AXL: variants seen among roughly 807,000 people sequenced by gnomAD.
AXL encodes tyrosine-protein kinase receptor UFO.
AXL carries 52 observed loss-of-function variants against 104.5 expected under a neutral mutation model. That is an observed-to-expected ratio of 0.50 (90% confidence interval 0.40 to 0.63). The LOEUF (loss-of-function observed/expected upper bound fraction) is 0.63, where lower values mean the gene tolerates loss of function less well. AXL is among the 20% of genes least tolerant of loss of function. The probability of loss-of-function intolerance (pLI) is 0.00; values close to 1 mark genes in which losing one functional copy is unlikely to be tolerated. For missense variants in AXL, 1,024 were observed against 1,188.5 expected (o/e 0.86, Z 2.04); for synonymous variants, 455 against 473.7 (o/e 0.96, Z 0.51).
chr19:41,243,885 G>A, intron 12 of AXL, 178 bp downstream of exon 12: 1 of 595,184 alleles, frequency 1.7e-6, no homozygotes. Context: ...AACTTTCAAG[G>A]AATAGAATCT....
At chr19:41,220,481 C>T (rs1568406942) in intron 1 of AXL, 155 bp from the exon 2 acceptor site, 5 of 640,656 alleles carry the variant, frequency 7.8e-6, no homozygotes, top group East Asian at 5.5e-5. Flanking sequence ...TCAGAGCCTC[C>T]GCCCTCCACC....
intron 15 of AXL, 42 bp from the exon 16 acceptor site, chr19:41,252,804 C>T (rs780651239): frequency 5.6e-6 from 9 of 1,611,244 alleles, no homozygotes; most frequent in African/African-American, 1.3e-5. Flanking sequence ...TTGGCTTCCC[C>T]TTCTGCCCAG....
At chr19:41,250,955 T>G (rs772720267) in intron 14 of AXL, among the ~76,000 whole-genome samples, 4 of 152,118 alleles carry the variant, frequency 2.6e-5, no homozygotes, top group Admixed American at 6.5e-5. Flanking sequence ...CCTGAACTGT[T>G]AAATGGGATG....
At chr19:41,258,218 A>T (rs149176768) in intron 19 of AXL, among the ~76,000 whole-genome samples, 2 of 152,140 alleles carry the variant, frequency 1.3e-5, no homozygotes, top group Admixed American at 6.6e-5. Flanking sequence ...GGGGCGTCAG[A>T]CTCCTCAGTC....
At chr19:41,250,835 C>A (rs1159039710) in intron 14 of AXL, among the ~76,000 whole-genome samples, 1 of 152,146 alleles carries the variant, frequency 6.6e-6, no homozygotes, top group African/African-American at 2.4e-5. Flanking sequence ...ACCTCTGAGG[C>A]TCAAGCGATC....
chr19:41,230,875 C>A, intron 4 of AXL, 92 bp from the exon 5 acceptor site: 1 of 1,353,560 alleles, frequency 7.4e-7, no homozygotes, highest in African/African-American at 1.4e-5. Flanking sequence ...TGCCCCTGGT[C>A]AGGCAGGCCA....
Position 41,221,216 on chromosome 19 carries a change from G to T in AXL, c.379G>T (p.Val127Leu). Reference protein sequence around the residue: ...CLVFLGHQTFVSQPGYVGLEG... With the variant: ...CLVFLGHQTFLSQPGYVGLEG... ...GGTGTTTCTGGGACATCAGACCTTC[G>T]TGTCCCAGCCTGGCTATGTTGGGCT... Residue 127 changes from valine (V) to leucine (L), a missense_variant, in exon 3 of 20, where the codon GTG (valine) becomes TTG (leucine). Around this residue, in one of 5 missense-constraint regions of AXL, gnomAD observed 41 missense variants for 76.2 expected, o/e 0.54. Coordinates refer to ENST00000301178, the MANE Select transcript of AXL (RefSeq NM_021913.5). 6.2e-7 allele frequency: 1 copy of T among 1,613,978 alleles called. No individual in the cohort carries two copies. The highest frequency in any genetic ancestry group is 8.5e-7 in the Non-Finnish European group (1 of 1,179,990).
chr19:41,259,975 C>A lies in AXL; in HGVS notation c.*71C>A, dbSNP rs142554741. 7.8e-5 allele frequency: 105 copies of A among 1,351,538 alleles called. 1 individual carries two copies. The African/African-American group carries it at 1.4e-3, about 18-fold the overall frequency. The allele number at this position is 1,351,538 out of a possible 1,614,324, so 83.7% of individuals were successfully genotyped here. ...CTGCCACTGGGGAAAACTCCACCTT[C>A]CCACTTTCCCACCCCACGCCTTATC... On this transcript the variant is annotated 3_prime_UTR_variant, in exon 20 of 20. Coordinates refer to ENST00000301178, the MANE Select transcript of AXL (RefSeq NM_021913.5).
rs1176757863 is a variant in AXL, at chr19:41,239,308, C to A, written c.1279C>A (p.Arg427Ser). The A allele has an allele frequency of 2.5e-6, 4 of 1,574,548 alleles. No individual in the cohort carries two copies. The highest frequency in any genetic ancestry group is 2.4e-5 in the South Asian group (2 of 83,850). Residue 427 changes from arginine (R) to serine (S), a missense_variant, in exon 9 of 20, where the codon CGC becomes AGC. Transcript: ENST00000301178. ...WSLPVPLEAWRPGQAQPVHQL... is the reference protein window; with the variant it reads ...WSLPVPLEAWSPGQAQPVHQL... ...CCTCCCAGTACCCCTGGAGGCCTGG[C>A]GCCCAGGTAAGTCCAAAGCCATGCC...
intron 1 of AXL, among the ~76,000 whole-genome samples, 184 bp downstream of exon 1, chr19:41,219,661 G>C (rs1330860605): frequency 6.6e-6 from 1 of 151,322 alleles, no homozygotes; most frequent in Non-Finnish European, 1.5e-5. Context: ...GGCAGAGGGA[G>C]AGAAAGACTG....
chr19:41,233,966 AAG>A (rs2034037887), intron 6 of AXL, among the ~76,000 whole-genome samples: 1 of 152,040 alleles, frequency 6.6e-6, no homozygotes, highest in African/African-American at 2.4e-5. Context: ...TCCCAGGGAA[AAG>A]AGAAGTGGGA....
chr19:41,242,752 A>G (rs910936902), intron 10 of AXL, 131 bp from the exon 11 acceptor site: 8 of 1,194,566 alleles, frequency 6.7e-6, no homozygotes, highest in Non-Finnish European at 9.6e-6. Flanking sequence ...GAATGCATCC[A>G]TCACACACCT....
At chr19:41,237,445 C>T (rs1187191542) in intron 6 of AXL, among the ~76,000 whole-genome samples, 3 of 152,098 alleles carry the variant, frequency 2.0e-5, no homozygotes, top group Non-Finnish European at 2.9e-5. Context: ...GGTTTCACCA[C>T]GTTGGCCAGG....
chr19:41,252,465 G>A (rs1323742392), intron 15 of AXL, 22 bp downstream of exon 15: 7 of 1,612,050 alleles, frequency 4.3e-6, no homozygotes, highest in Admixed American at 3.3e-5. Flanking sequence ...GCAGATTCAA[G>A]GGGTCTACAA....
At chr19:41,223,877 T>A (rs1333478353) in intron 4 of AXL, among the ~76,000 whole-genome samples, 1 of 151,994 alleles carries the variant, frequency 6.6e-6, no homozygotes, top group Non-Finnish European at 1.5e-5. Flanking sequence ...TATCTGTGTG[T>A]TCTGGATCTG....
At chr19:41,245,076 A>C (rs902723185) in intron 12 of AXL, among the ~76,000 whole-genome samples, 1 of 151,786 alleles carries the variant, frequency 6.6e-6, no homozygotes, top group Non-Finnish European at 1.5e-5. Flanking sequence ...GACTACAGGC[A>C]CATGCCACAA....
intron 16 of AXL, among the ~76,000 whole-genome samples, chr19:41,253,171 T>C (rs917998957): frequency 2.0e-5 from 3 of 151,854 alleles, no homozygotes; most frequent in Admixed American, 2.0e-4. Context: ...AGGAAGGAAA[T>C]ACAGTAGGAT....
chr19:41,222,920 A>G (rs2033819030), intron 4 of AXL, among the ~76,000 whole-genome samples: 2 of 150,554 alleles, frequency 1.3e-5, no homozygotes. Context: ...GAAAAAAAAA[A>G]AAAAAGAAAG....
intron 19 of AXL, among the ~76,000 whole-genome samples, chr19:41,257,894 G>A (rs1373861291): frequency 6.6e-6 from 1 of 152,228 alleles, no homozygotes; most frequent in Admixed American, 6.5e-5. Context: ...GTATCCTTGG[G>A]TAGTGAATAA....
Sources: gnomAD v4.1 joint callset for allele counts (sites outside exome capture counted in the v4.1 genomes callset) on GRCh38, gnomAD v4.1.1 for gene constraint, gnomAD v4.1.1 regional missense constraint, MANE v1.5 for transcripts, NCBI Gene and HGNC (gene_info 2026-07-23, HGNC 2026-07-21) for gene names.